Variants in MACF1 observed in about 807,000 individuals in gnomAD.
MACF1 encodes microtubule actin crosslinking factor 1.
In MACF1, 193 loss-of-function variants were observed where a neutral mutation model predicts 854.8. The observed-to-expected ratio is 0.23, with a 90% CI of 0.20 to 0.25. The LOEUF (loss-of-function observed/expected upper bound fraction) is 0.25. MACF1 is among the 10% of genes least tolerant of loss of function. The probability of loss-of-function intolerance (pLI) is 1.00; values close to 1 mark genes in which losing one functional copy is unlikely to be tolerated. For missense variants in MACF1, 7,722 were observed against 8,929.1 expected, an observed-to-expected ratio of 0.86 and a Z score of 5.45; for synonymous variants, 3,185 against 3,226.7, an observed-to-expected ratio of 0.99 and a Z score of 0.44.
At chr1:39,258,396 GT>G (rs1197403652) in intron 6 of MACF1, among the ~76,000 whole-genome samples, 1 of 152,204 alleles carries the variant, frequency 6.6e-6, no homozygotes, top group Non-Finnish European at 1.5e-5. Context: ...GAATGGTGGA[GT>G]GAAGGTTCAT....
intron 100 of MACF1, chr1:39,485,231 C>T (rs1289399098): frequency 1.1e-5 from 4 of 353,560 alleles, no homozygotes; most frequent in East Asian, 5.6e-5. Context: ...TGGATTAGCC[C>T]GGCTGGCAGG....
chr1:39,186,992 T>TG (rs1216166241), intron 2 of MACF1, among the ~76,000 whole-genome samples: 1 of 151,878 alleles, frequency 6.6e-6, no homozygotes, highest in East Asian at 1.9e-4. Flanking sequence ...CTTGATTTTT[T>TG]TTTTTTTTTG....
chr1:39,136,861 G>A (rs1275626439), intron 2 of MACF1, among the ~76,000 whole-genome samples: 1 of 152,142 alleles, frequency 6.6e-6, no homozygotes, highest in African/African-American at 2.4e-5. Context: ...TATGACAGTA[G>A]AATAAAGACA....
chr1:39,366,375 C>T (rs1387957248), intron 49 of MACF1, among the ~76,000 whole-genome samples: 1 of 152,006 alleles, frequency 6.6e-6, no homozygotes, highest in East Asian at 1.9e-4. Context: ...GCTCTGTTGC[C>T]CAGGCTGGAG....
chr1:39,442,542 T>C lies in MACF1; in HGVS notation c.19079T>C (p.Ile6360Thr). Residue 6360 changes from isoleucine (I) to threonine (T), a missense_variant, in exon 77 of 101, where the codon ATT (isoleucine) becomes ACT (threonine). Transcript: ENST00000564288. Reference sequence around the variant, plus strand: ...CCAATAAGTGGAGACCCAAAAGTCATTGAAGTTGAGCTCGCAAAGCACCAT... The same window carrying C: ...CCAATAAGTGGAGACCCAAAAGTCACTGAAGTTGAGCTCGCAAAGCACCAT... ...QRPISGDPKV[I>T]EVELAKHHVL... 1 of 1,614,144 alleles carries C rather than the reference T, an allele frequency of 6.2e-7. No homozygotes were observed. Among genetic ancestry groups the C allele is most frequent in the East Asian group, 2.2e-5 (1 of 44,888 alleles).
rs994168019 is a variant in MACF1, at chr1:39,447,356, C to A, written c.19606-76C>A. ...CATTTCATTTGTTGTACAATTCATG[C>A]CTTTGTCGCTGAGCCTATAATTCCT... is the stretch of plus-strand genomic sequence containing the variant. On this transcript the variant is annotated intron_variant, in intron 80 of 100. Transcript: ENST00000564288. The A allele has an allele frequency of 4.4e-6, 6 of 1,368,610 alleles. No homozygotes were observed. The African/African-American group carries it at 7.2e-5, about 17-fold the overall frequency. 84.8% of individuals were successfully genotyped at this position (1,368,610 alleles called of 1,614,324 possible).
chr1:39,175,352 G>GA (rs897686503), intron 2 of MACF1, among the ~76,000 whole-genome samples: 5 of 152,140 alleles, frequency 3.3e-5, no homozygotes, highest in Non-Finnish European at 7.4e-5. Context: ...CATTTTATAT[G>GA]AAAAAATAAG....
chr1:39,419,865 C>T (rs1223982555), intron 58 of MACF1, among the ~76,000 whole-genome samples: 24 of 150,168 alleles, frequency 1.6e-4, no homozygotes, highest in Admixed American at 1.3e-3. Flanking sequence ...GACGAGGTTT[C>T]GCCTGTTGCC....
intron 89 of MACF1, chr1:39,456,910 C>T (rs1393542435): frequency 6.6e-6 from 1 of 152,248 alleles, no homozygotes; most frequent in Non-Finnish European, 1.5e-5. Context: ...CTCTTCATCC[C>T]TTCCCAAAAC....
chr1:39,168,166 T>G (rs1643901701), intron 2 of MACF1, among the ~76,000 whole-genome samples: 1 of 152,202 alleles, frequency 6.6e-6, no homozygotes, highest in Admixed American at 6.5e-5. Context: ...TGAGATCTCT[T>G]GTCTACTCTC....
chr1:39,472,616 C>A (rs1357149973), intron 97 of MACF1, among the ~76,000 whole-genome samples: 1 of 152,098 alleles, frequency 6.6e-6, no homozygotes, highest in East Asian at 1.9e-4. Context: ...CAAATATTTT[C>A]TTTTAAAATG....
At chr1:39,191,222 C>G (rs571978260) in intron 2 of MACF1, among the ~76,000 whole-genome samples, 43 of 132,378 alleles carry the variant, frequency 3.2e-4, no homozygotes, top group Non-Finnish European at 5.6e-4. Flanking sequence ...TTTTTTTAAC[C>G]TAGCAGTAAA....
intron 2 of MACF1, among the ~76,000 whole-genome samples, chr1:39,111,642 A>G (rs373371507): frequency 1.6e-4 from 25 of 152,152 alleles, no homozygotes; most frequent in Admixed American, 9.2e-4. Context: ...CGGCCTCCCA[A>G]AGTGCTGGGA....
At chr1:39,224,434 A>G (rs1644689415) in intron 1 of MACF1, among the ~76,000 whole-genome samples, 1 of 152,190 alleles carries the variant, frequency 6.6e-6, no homozygotes, top group Admixed American at 6.5e-5. Context: ...GAGAGAGTCA[A>G]TTTAAAAGGT....
chr1:39,254,152 G>T, intron 4 of MACF1, 146 bp from the exon 5 acceptor site: 1 of 661,412 alleles, frequency 1.5e-6, no homozygotes, highest in Non-Finnish European at 2.7e-6. Flanking sequence ...CTGGTCTTAG[G>T]GGGTGCTTTG....
chr1:39,255,336 A>T (rs1306753078), intron 5 of MACF1, among the ~76,000 whole-genome samples: 1 of 152,170 alleles, frequency 6.6e-6, no homozygotes, highest in African/African-American at 2.4e-5. Flanking sequence ...AGAATGACAG[A>T]GGGAGGGGTG....
chr1:39,275,424 G>C (rs1645415063), intron 6 of MACF1, among the ~76,000 whole-genome samples: 1 of 152,074 alleles, frequency 6.6e-6, no homozygotes, highest in African/African-American at 2.4e-5. Context: ...GCCCAGGCTA[G>C]AGAGCAGTGG....
At chr1:39,241,285 T>C (rs574372920) in intron 2 of MACF1, among the ~76,000 whole-genome samples, 3 of 152,154 alleles carry the variant, frequency 2.0e-5, no homozygotes, top group Non-Finnish European at 2.9e-5. Context: ...TCAACATAGT[T>C]TGAGTCAAGG....
chr1:39,221,251 G>A (rs758143769), intron 1 of MACF1, among the ~76,000 whole-genome samples: 3 of 152,104 alleles, frequency 2.0e-5, no homozygotes, highest in Non-Finnish European at 2.9e-5. Flanking sequence ...GAATTTTATA[G>A]GGTTGTAGAG....
Sources: gnomAD v4.1 joint callset for allele counts (sites outside exome capture counted in the v4.1 genomes callset) on GRCh38, gnomAD v4.1.1 for gene constraint, MANE v1.5 for transcripts, NCBI Gene and HGNC (gene_info 2026-07-23, HGNC 2026-07-21) for gene names.